GLRA3: variants seen among roughly 807,000 people sequenced by gnomAD.
GLRA3 encodes the protein glycine receptor subunit alpha-3.
Under a neutral mutation model 60.4 loss-of-function variants are expected in GLRA3, and 44 were observed. The ratio of observed to expected loss-of-function variants is 0.73; its 90% CI spans 0.57 to 0.94. The LOEUF is 0.94. GLRA3 is among the 40% of genes least tolerant of loss of function. GLRA3 has a pLI of 0.00. For synonymous variants in GLRA3, 223 were observed against 192.9 expected (o/e 1.16, Z -1.29); for missense variants, 508 against 564.6 (o/e 0.90, Z 1.02).
In GLRA3 at chr4:174,785,380, A is replaced by G. The variant is rs530191165; in HGVS notation, c.199+3436T>C. Among the ~76,000 whole-genome samples, 3 of 152,294 alleles carry G rather than the reference A, an allele frequency of 2.0e-5. No homozygotes were observed. In the South Asian group the frequency reaches 6.2e-4, roughly 32 times the overall value. ...CAATATAAAGATACTTGTGAAAACA[A>G]TCACAAATTTTATACTATTACTCCA... On this transcript the variant is annotated intron_variant, in intron 2 of 9. Coordinates refer to ENST00000274093, the MANE Select transcript of GLRA3 (RefSeq NM_006529.4).
chr4:174,650,545 T>A (rs1732988789), intron 9 of GLRA3, among the ~76,000 whole-genome samples: 1 of 152,124 alleles, frequency 6.6e-6, no homozygotes, highest in Non-Finnish European at 1.5e-5. Flanking sequence ...TTCTCTTGAG[T>A]TCTGATTAGA....
At chr4:174,686,959 A>C (rs1323554334) in intron 5 of GLRA3, among the ~76,000 whole-genome samples, 1 of 152,238 alleles carries the variant, frequency 6.6e-6, no homozygotes, top group Non-Finnish European at 1.5e-5. Flanking sequence ...GGTGAACCAC[A>C]AAATTTGTGC....
At chr4:174,774,304 G>A (rs1738506478) in intron 2 of GLRA3, among the ~76,000 whole-genome samples, 1 of 152,066 alleles carries the variant, frequency 6.6e-6, no homozygotes, top group Non-Finnish European at 1.5e-5. Flanking sequence ...GTGAATTCAT[G>A]GTTTTCAATA....
intron 5 of GLRA3, among the ~76,000 whole-genome samples, chr4:174,690,056 G>T (rs1451072426): frequency 1.3e-5 from 2 of 152,178 alleles, no homozygotes; most frequent in Admixed American, 6.5e-5. Context: ...CAACATAGAT[G>T]TAACTGGCGG....
rs185639761 is a variant in GLRA3 at position 174,816,462 on chromosome 4, A to G, written c.71+12279T>C. Reference sequence around the variant, plus strand: ...ATATCTCATAGGCATCACGTTCACTATACATATCTAGAACTTAACTCACGA... The same window carrying G: ...ATATCTCATAGGCATCACGTTCACTGTACATATCTAGAACTTAACTCACGA... On this transcript the variant is annotated intron_variant, in intron 1 of 9. Transcript: ENST00000274093. Among the ~76,000 whole-genome samples the G allele has an allele frequency of 4.7e-4, 72 of 152,316 alleles. 1 individual carries two copies. Among genetic ancestry groups the G allele is most frequent in the African/African-American group, 1.6e-3 (68 of 41,572 alleles).
chr4:174,794,651 T>C (rs767532985), intron 1 of GLRA3, among the ~76,000 whole-genome samples: 1 of 152,192 alleles, frequency 6.6e-6, no homozygotes, highest in Non-Finnish European at 1.5e-5. Context: ...GACAAACTCA[T>C]TCTTAATCTT....
At chr4:174,690,877 A>T (rs535150920) in intron 5 of GLRA3, among the ~76,000 whole-genome samples, 1 of 152,154 alleles carries the variant, frequency 6.6e-6, no homozygotes, top group Non-Finnish European at 1.5e-5. Flanking sequence ...TCCCTTTTCT[A>T]TATGTACCAC....
At chr4:174,695,720 T>C (rs955598433) in intron 5 of GLRA3, among the ~76,000 whole-genome samples, 3 of 152,108 alleles carry the variant, frequency 2.0e-5, no homozygotes, top group Non-Finnish European at 2.9e-5. Context: ...TTCAACATAG[T>C]ATTGAAAGTA....
At chr4:174,800,935 T>A (rs1441266101) in intron 1 of GLRA3, among the ~76,000 whole-genome samples, 1 of 152,106 alleles carries the variant, frequency 6.6e-6, no homozygotes, top group Non-Finnish European at 1.5e-5. Flanking sequence ...TCAGTACAGT[T>A]TTCAGTACAT....
intron 5 of GLRA3, among the ~76,000 whole-genome samples, chr4:174,709,030 G>A (rs540047672): frequency 1.3e-3 from 196 of 151,428 alleles, no homozygotes; most frequent in Middle Eastern, 3.4e-3. Context: ...TTTCTTTTGC[G>A]TCAAATAAAA....
chr4:174,751,623 C>T (rs1430444196), intron 3 of GLRA3, among the ~76,000 whole-genome samples: 1 of 152,100 alleles, frequency 6.6e-6, no homozygotes, highest in African/African-American at 2.4e-5. Flanking sequence ...TCAGAATACC[C>T]AGTGCTCTTC....
chr4:174,742,508 C>G (rs1036408515), intron 3 of GLRA3, among the ~76,000 whole-genome samples: 1 of 151,996 alleles, frequency 6.6e-6, no homozygotes, highest in Non-Finnish European at 1.5e-5. Context: ...AATCAAATAG[C>G]CACTGGGCTT....
At chr4:174,676,999 G>T in intron 7 of GLRA3, 79 bp downstream of exon 7, 1 of 856,458 alleles carries the variant, frequency 1.2e-6, no homozygotes, top group Non-Finnish European at 1.9e-6. Context: ...AAAAATATCT[G>T]ACCAAAGCTG....
At chr4:174,815,648 C>A (rs1156574603) in intron 1 of GLRA3, among the ~76,000 whole-genome samples, 2 of 152,190 alleles carry the variant, frequency 1.3e-5, no homozygotes, top group East Asian at 3.9e-4. Context: ...GTGGCTTCCA[C>A]CCTCTGAAAC....
intron 4 of GLRA3, among the ~76,000 whole-genome samples, chr4:174,727,967 G>T (rs887425126): frequency 2.0e-5 from 3 of 151,678 alleles, no homozygotes; most frequent in African/African-American, 7.3e-5. Flanking sequence ...TCATCACTTT[G>T]CAGCATGTTA....
At chr4:174,651,771 T>C (rs1416835103) in intron 9 of GLRA3, among the ~76,000 whole-genome samples, 2 of 152,192 alleles carry the variant, frequency 1.3e-5, no homozygotes, top group Non-Finnish European at 2.9e-5. Context: ...CTGCTAGAAT[T>C]CCTTGCAAAT....
chr4:174,711,271 A>G (rs1393172802), intron 5 of GLRA3, among the ~76,000 whole-genome samples: 2 of 151,690 alleles, frequency 1.3e-5, no homozygotes, highest in Non-Finnish European at 2.9e-5. Context: ...AAATTTAACA[A>G]AGAATAAAAA....
rs545464355 is a variant in GLRA3, at chr4:174,655,021, T to A, written c.1116+1722A>T. 2.3e-4 allele frequency among the ~76,000 whole-genome samples: 35 copies of A among 152,330 alleles called. No individual in the cohort carries two copies. In the East Asian group the frequency reaches 6.7e-3, roughly 29 times the overall value. On this transcript the variant is annotated intron_variant, in intron 9 of 9. Transcript: ENST00000274093. ...CCAATGCTGAGCCTAGTTAAAACTT[T>A]CCTAGGAATAATAATTGCATTAATG... is the stretch of plus-strand genomic sequence containing the variant.
At chr4:174,752,712 T>A (rs1187440055) in intron 3 of GLRA3, among the ~76,000 whole-genome samples, 3 of 152,146 alleles carry the variant, frequency 2.0e-5, no homozygotes, top group African/African-American at 7.2e-5. Context: ...GTAAAGTGAA[T>A]GGGTTTTGCG....
Sources: allele counts gnomAD v4.1 joint callset (sites outside exome capture counted in the v4.1 genomes callset), GRCh38; gene constraint gnomAD v4.1.1; transcripts MANE v1.5; gene names NCBI Gene and HGNC (gene_info 2026-07-23, HGNC 2026-07-21).